The following PKP4 variants were observed in gnomAD, a reference collection of about 807,000 sequenced individuals.
PKP4 encodes plakophilin 4, also known as plakophilin-4.
In PKP4, 90 loss-of-function variants were observed where a neutral mutation model predicts 145.1. The observed-to-expected ratio is 0.62, with a 90% CI of 0.52 to 0.74. The LOEUF (loss-of-function observed/expected upper bound fraction) is 0.74. Ranked by LOEUF, PKP4 falls within the 30% of genes least tolerant of loss-of-function variation. PKP4 has a pLI of 0.00. For missense variants in PKP4, 1,340 were observed against 1,482.7 expected (o/e 0.90, Z 1.58); for synonymous variants, 563 against 577.2 (o/e 0.98, Z 0.35).
intron 2 of PKP4, among the ~76,000 whole-genome samples, chr2:158,543,199 C>A (rs2044676737): frequency 6.6e-6 from 1 of 152,058 alleles, no homozygotes; most frequent in Non-Finnish European, 1.5e-5. Flanking sequence ...AATATACGTA[C>A]AAATCGAGCA....
intron 1 of PKP4, among the ~76,000 whole-genome samples, chr2:158,500,042 C>T (rs1445878176): frequency 1.3e-5 from 2 of 152,218 alleles, no homozygotes; most frequent in African/African-American, 2.4e-5. Flanking sequence ...AAGTCATCCT[C>T]AATACAAAGT....
intron 1 of PKP4, among the ~76,000 whole-genome samples, chr2:158,483,039 T>A (rs1693603318): frequency 6.6e-6 from 1 of 152,190 alleles, no homozygotes; most frequent in Admixed American, 6.5e-5. Flanking sequence ...AATTTAGACC[T>A]CAAGAGTAGT....
rs760870758 is a variant in PKP4 at position 158,666,472 on chromosome 2, G to A, written c.2637G>A (p.Glu879=). The change falls in exon 16 of 22, where the codon GAG becomes GAA. Residue 879 remains glutamate (E), a synonymous_variant. Transcript: ENST00000389759. ...AAAAGGGGCTCCCCATCCTTGTGGA[G>A]CTTCTGAGAATGGATAACGATAGAG... ...RKEKGLPILV[E]LLRMDNDRVV... 1.2e-6 allele frequency: 2 copies of A among 1,613,304 alleles called. No homozygotes were observed. The highest frequency in any genetic ancestry group is 1.7e-6 in the Non-Finnish European group (2 of 1,179,650).
In PKP4 at chr2:158,625,295, T is replaced by C; in HGVS notation, c.1021T>C (p.Ser341Pro). The change falls in exon 7 of 22, where the codon TCA becomes CCA. Residue 341 changes from serine (S) to proline (P), a missense_variant. By Grantham distance (74) the Ser-to-Pro change is moderately conservative. Coordinates refer to ENST00000389759, the MANE Select transcript of PKP4 (RefSeq NM_003628.6). ...GGTGGGGTCGTCGTCCCCCAAACGCTCAGGGATGACCGCCGTACCACAGCA... is the reference window on the plus strand; with the variant it reads ...GGTGGGGTCGTCGTCCCCCAAACGCCCAGGGATGACCGCCGTACCACAGCA... ...GQVGSSSPKR[S>P]GMTAVPQHLG... 6.2e-7 allele frequency: 1 copy of C among 1,613,950 alleles called. No homozygotes were observed. The highest frequency in any genetic ancestry group is 8.5e-7 in the Non-Finnish European group (1 of 1,179,980).
intron 2 of PKP4, among the ~76,000 whole-genome samples, chr2:158,572,017 A>G (rs1272033769): frequency 6.6e-6 from 1 of 152,208 alleles, no homozygotes; most frequent in African/African-American, 2.4e-5. Context: ...TTAAGGGCTT[A>G]TTTAGAACTG....
At chr2:158,501,817 T>C (rs1224764946) in intron 1 of PKP4, among the ~76,000 whole-genome samples, 1 of 135,492 alleles carries the variant, frequency 7.4e-6, no homozygotes, top group African/African-American at 2.5e-5. Flanking sequence ...AGTATCACCA[T>C]GCAGATGTTT....
chr2:158,675,888 C>T (rs72942795), intron 19 of PKP4, among the ~76,000 whole-genome samples: 17,262 of 152,126 alleles, frequency 0.11, 1,275 homozygotes, highest in Non-Finnish European at 0.16. Flanking sequence ...CTGTTGCTTT[C>T]GAGTGTATCA....
In PKP4 at chr2:158,676,603, C is replaced by CT. The variant is rs1461726095; in HGVS notation, c.3128-135dup. On this transcript the variant is annotated intron_variant, in intron 19 of 21. Coordinates refer to ENST00000389759, the MANE Select transcript of PKP4 (RefSeq NM_003628.6). ...AGCTGCTCTTCCACTCCCAGCACCT[C>CT]TGAGATATTTTCAGCACCAGCTGTG... 2.8e-6 allele frequency: 3 copies of CT among 1,061,532 alleles called. No individual in the cohort carries two copies. In the African/African-American group the frequency reaches 4.7e-5, roughly 17 times the overall value. The allele number at this position is 1,061,532 out of a possible 1,614,324, so 65.8% of individuals were successfully genotyped here. A position where few individuals can be genotyped will look rare whatever the true frequency, so the allele number is the denominator to read the frequency against.
intron 1 of PKP4, among the ~76,000 whole-genome samples, chr2:158,488,903 G>T (rs1694545531): frequency 6.6e-6 from 1 of 152,162 alleles, no homozygotes; most frequent in Admixed American, 6.5e-5. Context: ...GCTGGAATCA[G>T]ATAGGAACAG....
intron 2 of PKP4, among the ~76,000 whole-genome samples, chr2:158,538,620 A>G (rs1431238488): frequency 1.3e-5 from 2 of 148,720 alleles, no homozygotes; most frequent in Non-Finnish European, 3.0e-5. Flanking sequence ...GCTCACTGCA[A>G]CCTCCGCCTT....
In PKP4 at chr2:158,564,195, G is replaced by C. The variant is rs984939504; in HGVS notation, c.133-13076G>C. ...CCCTTCTGAGGTGACCAATCATACTGATCTGCTGTGTCTCATTCACAGTTG... is the reference window on the plus strand; with the variant it reads ...CCCTTCTGAGGTGACCAATCATACTCATCTGCTGTGTCTCATTCACAGTTG... On this transcript the variant is annotated intron_variant, in intron 2 of 21. Transcript: ENST00000389759. 3.3e-5 allele frequency among the ~76,000 whole-genome samples: 5 copies of C among 152,068 alleles called. 1 individual carries two copies. The Middle Eastern group carries it at 0.01, about 312-fold the overall frequency.
At chr2:158,586,873 C>T (rs2048842641) in intron 3 of PKP4, among the ~76,000 whole-genome samples, 1 of 152,182 alleles carries the variant, frequency 6.6e-6, no homozygotes, top group Admixed American at 6.5e-5. Context: ...GTGAATTAAA[C>T]TAGTATAACT....
intron 9 of PKP4, among the ~76,000 whole-genome samples, chr2:158,637,441 G>A (rs570618813): frequency 5.1e-4 from 78 of 152,196 alleles, no homozygotes; most frequent in African/African-American, 1.8e-3. Flanking sequence ...TAGTCCACAC[G>A]CAAACCCGGA....
intron 1 of PKP4, among the ~76,000 whole-genome samples, chr2:158,525,689 C>G (rs886866442): frequency 1.5e-5 from 2 of 132,758 alleles, no homozygotes; most frequent in Non-Finnish European, 3.2e-5. Flanking sequence ...ATCAATGAAT[C>G]CAGGAGCTGG....
intron 2 of PKP4, among the ~76,000 whole-genome samples, chr2:158,544,566 A>G (rs1418166904): frequency 6.6e-6 from 1 of 152,112 alleles, no homozygotes; most frequent in Non-Finnish European, 1.5e-5. Context: ...TATTAATTTC[A>G]TTCTGATGAT....
chr2:158,467,215 C>G (rs1012471949), intron 1 of PKP4, among the ~76,000 whole-genome samples: 20 of 151,998 alleles, frequency 1.3e-4, no homozygotes, highest in Non-Finnish European at 1.8e-4. Flanking sequence ...TCCTGTGTAC[C>G]CTTTATATTG....
At chr2:158,657,878 A>G (rs569230205) in intron 11 of PKP4, among the ~76,000 whole-genome samples, 13 of 152,278 alleles carry the variant, frequency 8.5e-5, no homozygotes, top group South Asian at 8.3e-4. Flanking sequence ...CTTGCCTAAT[A>G]GATACAGAGG....
chr2:158,550,199 G>A (rs1371226741), intron 2 of PKP4, among the ~76,000 whole-genome samples: 1 of 101,008 alleles, frequency 9.9e-6, no homozygotes, highest in African/African-American at 2.7e-5. Context: ...AAGTCTATTT[G>A]TAATGTGTAT....
At chr2:158,676,706 CCT>C (rs1491291923) in intron 19 of PKP4, 31 bp from the exon 20 acceptor site, 5 of 1,613,330 alleles carry the variant, frequency 3.1e-6, no homozygotes, top group Admixed American at 1.7e-5. Flanking sequence ...TCTTTCTACC[CCT>C]CTTTCTCTCC....
Sources: allele counts gnomAD v4.1 joint callset (sites outside exome capture counted in the v4.1 genomes callset), GRCh38; gene constraint gnomAD v4.1.1; transcripts MANE v1.5; gene names NCBI Gene and HGNC (gene_info 2026-07-23, HGNC 2026-07-21).